ELAVL3: variants seen among roughly 807,000 people sequenced by gnomAD.
ELAVL3 encodes ELAV like RNA binding protein 3, also known as ELAV-like protein 3.
A neutral mutation model predicts 34.2 loss-of-function variants in ELAVL3; 8 were observed. The observed-to-expected ratio is 0.23, with a 90% CI of 0.14 to 0.42. The LOEUF is 0.42. ELAVL3 is among the 10% of genes least tolerant of loss of function. The pLI is 1.00. For synonymous variants in ELAVL3, 209 were observed against 222.1 expected (o/e 0.94, Z 0.53); for missense variants, 273 against 518.8 (o/e 0.53, Z 4.60).
Position 11,480,880 on chromosome 19 carries a change from G to T in ELAVL3, c.-272C>A. 5 of 355,264 alleles carry T rather than the reference G, an allele frequency of 1.4e-5. No homozygotes were observed. The highest frequency in any genetic ancestry group is 2.5e-5 in the Non-Finnish European group (5 of 198,224). The allele number at this position is 355,264 out of a possible 1,614,324, so 22.0% of individuals were successfully genotyped here. On this transcript the variant is annotated 5_prime_UTR_variant, in exon 1 of 7. Coordinates refer to ENST00000359227, the MANE Select transcript of ELAVL3 (RefSeq NM_001420.4). This position sits in a 1 kb window ranked among gnomAD's most constrained non-coding sequence, Gnocchi z 6.8. ...GCGCGGGGTTGAGGACGCCCCCTGC[G>T]CGGCCCCGCGGGGCCCGGGGAGGTT...
chr19:11,466,835 T>A lies in ELAVL3; in HGVS notation c.10-8A>T. On this transcript the variant is annotated splice_polypyrimidine_tract_variant and splice_region_variant and intron_variant, in intron 1 of 6. Coordinates refer to ENST00000359227, the MANE Select transcript of ELAVL3 (RefSeq NM_001420.4). The surrounding 1 kb of genome is among the most constrained non-coding windows in gnomAD (Gnocchi z 5.0). ...CATGGCCCCCAGTATCTGCTGGAGA[T>A]AACAGGTCGCATCCGCTCACCGCCC... is the stretch of plus-strand genomic sequence containing the variant. The A allele has an allele frequency of 6.3e-7, 1 of 1,589,194 alleles. No individual in the cohort carries two copies. The highest frequency in any genetic ancestry group is 1.1e-5 in the South Asian group (1 of 88,892).
chr19:11,460,994 C>T (rs1053387003), intron 3 of ELAVL3, among the ~76,000 whole-genome samples: 1 of 140,556 alleles, frequency 7.1e-6, no homozygotes, highest in Admixed American at 7.0e-5. Context: ...CCGTCCTCCA[C>T]CGCCACAACC....
chr19:11,477,492 G>A lies in ELAVL3; in HGVS notation c.9+3108C>T, dbSNP rs78140388. 2.2e-3 allele frequency among the ~76,000 whole-genome samples: 333 copies of A among 152,080 alleles called. 2 individuals carry two copies. The highest frequency in any genetic ancestry group is 7.1e-3 in the African/African-American group (294 of 41,506). Reference sequence around the variant, plus strand: ...GGTTTTGCCATGTTGCCCAGGCTGCGATCCTCCTGCCTTAGCCTCCCAAAG... The same window carrying A: ...GGTTTTGCCATGTTGCCCAGGCTGCAATCCTCCTGCCTTAGCCTCCCAAAG... On this transcript the variant is annotated intron_variant, in intron 1 of 6. Coordinates refer to ENST00000359227, the MANE Select transcript of ELAVL3 (RefSeq NM_001420.4).
In ELAVL3 at chr19:11,480,557, C is replaced by A; in HGVS notation, c.9+43G>T. On this transcript the variant is annotated intron_variant, in intron 1 of 6. Coordinates refer to ENST00000359227, the MANE Select transcript of ELAVL3 (RefSeq NM_001420.4). The surrounding 1 kb of genome is among the most constrained non-coding windows in gnomAD (Gnocchi z 6.8). ...ATCTCCGCGGAGCCTGGGCCCAACT[C>A]CTCCCCGTCCCGATTCCCTTTCGGC... 1 of 1,507,060 alleles carries A rather than the reference C, an allele frequency of 6.6e-7. No individual in the cohort carries two copies. The highest frequency in any genetic ancestry group is 8.9e-7 in the Non-Finnish European group (1 of 1,128,202). The allele number at this position is 1,507,060 out of a possible 1,614,324, so 93.4% of individuals were successfully genotyped here.
rs1393826693 is a variant in ELAVL3, at chr19:11,458,797, G to A, written c.334-186C>T. On this transcript the variant is annotated intron_variant, in intron 3 of 6. Transcript: ENST00000359227. This position sits in a 1 kb window ranked among gnomAD's most constrained non-coding sequence, Gnocchi z 7.3. The stretch of plus-strand genomic sequence containing the variant: ...ATATGGGAGAGGGGACATGGCAGTG[G>A]CTGTAACAACTTGGACTGCCTGTAT... Among the ~76,000 whole-genome samples, 6 of 152,124 alleles carry A rather than the reference G, an allele frequency of 3.9e-5. No homozygotes were observed. The highest frequency in any genetic ancestry group is 5.9e-5 in the Non-Finnish European group (4 of 68,024).
intron 3 of ELAVL3, among the ~76,000 whole-genome samples, chr19:11,465,929 C>T (rs1228458742): frequency 6.6e-6 from 1 of 152,118 alleles, no homozygotes; most frequent in Non-Finnish European, 1.5e-5. Flanking sequence ...ACTCCCTGAG[C>T]CTCCAGAGAT....
rs142289115 is a variant in ELAVL3, at chr19:11,454,694, G to A, written c.936C>T (p.Asn312=). 102 of 1,614,200 alleles carry A rather than the reference G, an allele frequency of 6.3e-5. 1 individual carries two copies. The African/African-American group carries it at 1.3e-3, about 21-fold the overall frequency. The part of the protein sequence containing the change: ...QLFGPFGAVT[N]VKVIRDFTTN... Reference sequence around the variant, plus strand: ...TGGTGAAATCACGGATGACCTTGACGTTGGTGACTGCCCCAAAAGGCCCGA... The same window carrying A: ...TGGTGAAATCACGGATGACCTTGACATTGGTGACTGCCCCAAAAGGCCCGA... Residue 312 remains asparagine, a synonymous_variant, in exon 7 of 7, where the codon AAC becomes AAT. Transcript: ENST00000359227. The surrounding 1 kb of genome is among the most constrained non-coding windows in gnomAD (Gnocchi z 9.2).
At position 11,454,410 on chromosome 19, in the gene ELAVL3, T is replaced by G; in HGVS notation, c.*116A>C. 1 of 1,050,962 alleles carries G rather than the reference T, an allele frequency of 9.5e-7. No individual in the cohort carries two copies. The highest frequency in any genetic ancestry group is 1.7e-5 in the South Asian group (1 of 59,886). The allele number at this position is 1,050,962 out of a possible 1,614,324, so 65.1% of individuals were successfully genotyped here. A position where few individuals can be genotyped will look rare whatever the true frequency, so the allele number is the denominator to read the frequency against. On this transcript the variant is annotated 3_prime_UTR_variant, in exon 7 of 7. Transcript: ENST00000359227. This position sits in a 1 kb window ranked among gnomAD's most constrained non-coding sequence, Gnocchi z 9.2. The stretch of plus-strand genomic sequence containing the variant: ...TCCGCAGGGACGTGGGGCCCTCGCG[T>G]CGTCCGTGGGGCTGCCTGTGCTGTC...
chr19:11,478,889 G>GC (rs1971313920), intron 1 of ELAVL3, among the ~76,000 whole-genome samples: 1 of 152,174 alleles, frequency 6.6e-6, no homozygotes, highest in East Asian at 1.9e-4. Context: ...GAGTGGCTAT[G>GC]CATGGTGAGG....
chr19:11,469,636 T>G (rs959747983), intron 1 of ELAVL3, among the ~76,000 whole-genome samples: 1 of 152,250 alleles, frequency 6.6e-6, no homozygotes, highest in Non-Finnish European at 1.5e-5. Context: ...AACTTGGTCA[T>G]GCATATTGCA....
intron 3 of ELAVL3, among the ~76,000 whole-genome samples, chr19:11,464,151 C>CTA (rs1164328564): frequency 0.021 from 1,802 of 86,332 alleles, 58 homozygotes; most frequent in Admixed American, 0.09. Flanking sequence ...CTCTCTCTCT[C>CTA]TATATATATA....
Position 11,466,479 on chromosome 19 carries a change from C to A in ELAVL3, c.229+129G>T. 1 of 1,168,220 alleles carries A rather than the reference C, an allele frequency of 8.6e-7. No homozygotes were observed. The highest frequency in any genetic ancestry group is 1.2e-6 in the Non-Finnish European group (1 of 808,090). 72.4% of individuals were successfully genotyped at this position (1,168,220 alleles called of 1,614,324 possible). ...GTATACCCATCTCCCCATCAGACCT[C>A]ACATCCCTAGACCACCTCCTGCCTC... On this transcript the variant is annotated intron_variant, in intron 2 of 6. Transcript: ENST00000359227. The surrounding 1 kb of genome is among the most constrained non-coding windows in gnomAD (Gnocchi z 5.0).
Position 11,451,801 on chromosome 19 carries a change from T to C in ELAVL3, c.*2725A>G, listed in dbSNP as rs1311070091. On this transcript the variant is annotated 3_prime_UTR_variant, in exon 7 of 7. Transcript: ENST00000359227. Reference sequence around the variant, plus strand: ...GGGGTGGCAGGGGCCTAGGCCTCGGTGGGGGGGGGGTGTGTGGGGAGGTGC... The same window carrying C: ...GGGGTGGCAGGGGCCTAGGCCTCGGCGGGGGGGGGGTGTGTGGGGAGGTGC... 1 of 129,716 alleles carries C rather than the reference T, an allele frequency of 7.7e-6. No homozygotes were observed. The highest frequency in any genetic ancestry group is 2.8e-5 in the African/African-American group (1 of 36,296). 8.0% of individuals were successfully genotyped at this position (129,716 alleles called of 1,614,324 possible).
chr19:11,467,135 C>T (rs1259644005), intron 1 of ELAVL3, among the ~76,000 whole-genome samples: 2 of 152,174 alleles, frequency 1.3e-5, no homozygotes, highest in Admixed American at 1.3e-4. Flanking sequence ...ACCGGAAACG[C>T]TTTCACGTCG....
In ELAVL3 at chr19:11,458,037, C is replaced by T. The variant is rs751306938; in HGVS notation, c.713+24G>A. The T allele has an allele frequency of 6.2e-7, 1 of 1,606,302 alleles. No homozygotes were observed. Among genetic ancestry groups the T allele is most frequent in the South Asian group, 1.1e-5 (1 of 90,972 alleles). ...AAGCTTGGGGGCACCCGGCCTGGGG[C>T]CATCTGGCTGGCAGGGGGCTCACCG... On this transcript the variant is annotated intron_variant, in intron 5 of 6. Transcript: ENST00000359227. The surrounding 1 kb of genome is among the most constrained non-coding windows in gnomAD (Gnocchi z 7.3).
rs1970671268 is a variant in ELAVL3, at chr19:11,452,520, T to C, written c.*2006A>G. 1 of 151,962 alleles carries C rather than the reference T, an allele frequency of 6.6e-6. No individual in the cohort carries two copies. Among genetic ancestry groups the C allele is most frequent in the Non-Finnish European group, 1.5e-5 (1 of 68,010 alleles). The allele number at this position is 151,962 out of a possible 1,614,324, so 9.4% of individuals were successfully genotyped here. On this transcript the variant is annotated 3_prime_UTR_variant, in exon 7 of 7. Transcript: ENST00000359227. Reference sequence around the variant, plus strand: ...TTTTTTAAATCTCTTCTGTGTGTTTTCTTTTTTTGTTGCTTTTTTTTCCTC... The same window carrying C: ...TTTTTTAAATCTCTTCTGTGTGTTTCCTTTTTTTGTTGCTTTTTTTTCCTC...
intron 3 of ELAVL3, among the ~76,000 whole-genome samples, chr19:11,459,299 T>A (rs541011183): frequency 7.9e-5 from 12 of 151,970 alleles, no homozygotes; most frequent in East Asian, 3.9e-4. Context: ...ATTTTTTTTT[T>A]ATTTTTTTGT....
Position 11,479,792 on chromosome 19 carries a change from G to A in ELAVL3, c.9+808C>T, listed in dbSNP as rs536035259. On this transcript the variant is annotated intron_variant, in intron 1 of 6. Coordinates refer to ENST00000359227, the MANE Select transcript of ELAVL3 (RefSeq NM_001420.4). ...GGCTAGCGGTGCGGGCGAGCAGGCG[G>A]GCGGGCCGCGCTCAAGGTCACCTCG... 3.9e-5 allele frequency among the ~76,000 whole-genome samples: 6 copies of A among 151,902 alleles called. No homozygotes were observed. In the East Asian group the frequency reaches 9.8e-4, roughly 25 times the overall value.
chr19:11,476,157 A>G (rs1477667972), intron 1 of ELAVL3, among the ~76,000 whole-genome samples: 1 of 152,148 alleles, frequency 6.6e-6, no homozygotes, highest in Non-Finnish European at 1.5e-5. Flanking sequence ...GTAACCATGT[A>G]TTGAGGTGCC....
Sources: allele counts gnomAD v4.1 joint callset (sites outside exome capture counted in the v4.1 genomes callset), GRCh38; gene constraint gnomAD v4.1.1; non-coding constraint Gnocchi (gnomAD v3.1); transcripts MANE v1.5; gene names NCBI Gene and HGNC (gene_info 2026-07-23, HGNC 2026-07-21).